DPP10: variants seen among roughly 807,000 people sequenced by gnomAD.
DPP10 encodes dipeptidyl peptidase like 10, also known as inactive dipeptidyl peptidase 10.
A neutral mutation model predicts 120.9 loss-of-function variants in DPP10; 33 were observed. That is an observed-to-expected ratio of 0.27 (90% CI 0.21 to 0.37). The LOEUF is 0.37. Ranked by LOEUF, DPP10 falls within the 10% of genes least tolerant of loss-of-function variation. The pLI, the probability that DPP10 is intolerant of heterozygous loss-of-function variation, is 1.00. For synonymous variants in DPP10, 337 were observed against 326.1 expected, an observed-to-expected ratio of 1.03 and a Z score of -0.36; for missense variants, 816 against 942.8, an observed-to-expected ratio of 0.87 and a Z score of 1.76.
chr2:115,804,686 T>C (rs1262871313), intron 19 of DPP10, among the ~76,000 whole-genome samples: 1 of 152,232 alleles, frequency 6.6e-6, no homozygotes, highest in East Asian at 1.9e-4. Context: ...CGGAGTTTAC[T>C]GGAGGTCCAC....
intron 1 of DPP10, among the ~76,000 whole-genome samples, chr2:115,013,626 G>A (rs1232575981): frequency 7.3e-6 from 1 of 137,584 alleles, no homozygotes; most frequent in Admixed American, 7.5e-5. Flanking sequence ...AAAATAAAGG[G>A]ATGGAGGAAT....
intron 7 of DPP10, among the ~76,000 whole-genome samples, chr2:115,697,275 A>G (rs1352433861): frequency 6.6e-6 from 1 of 152,018 alleles, no homozygotes; most frequent in Non-Finnish European, 1.5e-5. Context: ...TTCAATTAAA[A>G]GAAACTAAGA....
At position 115,507,251 on chromosome 2, in the gene DPP10, A is replaced by G. The variant is rs189209099; in HGVS notation, c.366+7647A>G. ...TGCATCATTGTTGAAATGACTCATT[A>G]TGCCTTATTACTTTATTAATTTATT... is the stretch of plus-strand genomic sequence containing the variant. On this transcript the variant is annotated intron_variant, in intron 4 of 25. Transcript: ENST00000410059. Among the ~76,000 whole-genome samples, 14 of 152,206 alleles carry G rather than the reference A, an allele frequency of 9.2e-5. 1 individual carries two copies. Among genetic ancestry groups the G allele is most frequent in the African/African-American group, 3.4e-4 (14 of 41,536 alleles).
chr2:114,557,397 T>C (rs919498989), intron 1 of DPP10, among the ~76,000 whole-genome samples: 1 of 152,160 alleles, frequency 6.6e-6, no homozygotes, highest in Non-Finnish European at 1.5e-5. Context: ...TAAAATGTAA[T>C]AGTTGTGACT....
intron 5 of DPP10, among the ~76,000 whole-genome samples, chr2:115,538,799 A>T (rs975902737): frequency 1.3e-5 from 2 of 152,058 alleles, no homozygotes; most frequent in Non-Finnish European, 2.9e-5. Flanking sequence ...CACCAGCCAC[A>T]TGTGTCTATT....
intron 3 of DPP10, among the ~76,000 whole-genome samples, chr2:115,363,315 C>G (rs546358952): frequency 1.3e-5 from 2 of 152,114 alleles, no homozygotes; most frequent in Non-Finnish European, 2.9e-5. Flanking sequence ...CTCCAAGATC[C>G]TATTATATTT....
At chr2:115,614,934 GC>G (rs2084379539) in intron 5 of DPP10, among the ~76,000 whole-genome samples, 1 of 152,044 alleles carries the variant, frequency 6.6e-6, no homozygotes, top group African/African-American at 2.4e-5. Flanking sequence ...TAAACAAATT[GC>G]CCTCAATTCC....
intron 13 of DPP10, among the ~76,000 whole-genome samples, chr2:115,770,503 A>G (rs1222848849): frequency 6.6e-6 from 1 of 151,932 alleles, no homozygotes; most frequent in East Asian, 1.9e-4. Context: ...AGAAATGAAC[A>G]TGACTGCATG....
At chr2:115,275,992 C>T (rs560143032) in intron 1 of DPP10, among the ~76,000 whole-genome samples, 3 of 152,116 alleles carry the variant, frequency 2.0e-5, no homozygotes, top group African/African-American at 4.8e-5. Context: ...TGAGCCACCG[C>T]GCCCGGCCTA....
Position 115,758,961 on chromosome 2 carries a change from T to TG in DPP10, c.1075-3611_1075-3610insG, listed in dbSNP as rs1679768081. Among the ~76,000 whole-genome samples, 3 of 152,168 alleles carry TG rather than the reference T, an allele frequency of 2.0e-5. 1 individual carries two copies. In the South Asian group the frequency reaches 6.2e-4, roughly 31 times the overall value. ...AAATCATAGCCCTAAATTTAAGAGC[T>TG]AATACTGTCAGTGTTCTAGGGGAAA... On this transcript the variant is annotated intron_variant, in intron 11 of 25. Coordinates refer to ENST00000410059, the MANE Select transcript of DPP10 (RefSeq NM_020868.6).
At chr2:115,614,696 T>C (rs1032324646) in intron 5 of DPP10, among the ~76,000 whole-genome samples, 1 of 152,104 alleles carries the variant, frequency 6.6e-6, no homozygotes, top group Non-Finnish European at 1.5e-5. Flanking sequence ...TAAGCAACCG[T>C]GCCAGGCTAG....
chr2:114,788,544 T>C (rs1348968697), intron 1 of DPP10, among the ~76,000 whole-genome samples: 3 of 151,614 alleles, frequency 2.0e-5, no homozygotes, highest in Admixed American at 1.3e-4. Flanking sequence ...GCCTCCCGAG[T>C]AGCTGGGACT....
chr2:115,393,084 G>A (rs1390557640), intron 3 of DPP10, among the ~76,000 whole-genome samples: 1 of 152,048 alleles, frequency 6.6e-6, no homozygotes, highest in African/African-American at 2.4e-5. Flanking sequence ...AGGCTGAGGT[G>A]GGCAGTTCGC....
At chr2:114,941,659 G>A (rs1173663245) in intron 1 of DPP10, among the ~76,000 whole-genome samples, 1 of 152,232 alleles carries the variant, frequency 6.6e-6, no homozygotes, top group Admixed American at 6.5e-5. Context: ...ATGTTAAATT[G>A]TTGAGATTAA....
chr2:115,289,503 A>AAAAAAAAAAAAAAAAAAAAAAAT (rs70941042), intron 1 of DPP10, among the ~76,000 whole-genome samples: 2 of 96,264 alleles, frequency 2.1e-5, no homozygotes, highest in African/African-American at 8.4e-5. Context: ...AAAAAAAAAA[A>AAAAAAAAAAAAAAAAAAAAAAAT]AGGAAGAAAA....
At position 115,033,725 on chromosome 2, in the gene DPP10, C is replaced by T. The variant is rs534973848; in HGVS notation, c.61-275514C>T. Among the ~76,000 whole-genome samples the T allele has an allele frequency of 3.7e-3, 498 of 135,604 alleles. 3 individuals carry two copies. The highest frequency in any genetic ancestry group is 5.9e-3 in the Non-Finnish European group (376 of 64,202). The allele number at this position is 135,604 out of a possible 152,430, so 89.0% of individuals were successfully genotyped here. A position where few individuals can be genotyped will look rare whatever the true frequency, so the allele number is the denominator to read the frequency against. On this transcript the variant is annotated intron_variant, in intron 1 of 25. Transcript: ENST00000410059. ...TTTTTTTTTTTTATTTTTAGAGATA[C>T]GGTGTTGTTCTATTGCCCAGACTGT... is the stretch of plus-strand genomic sequence containing the variant.
chr2:114,653,006 G>T (rs71418507), intron 1 of DPP10, among the ~76,000 whole-genome samples: 1 of 142,190 alleles, frequency 7.0e-6, no homozygotes, highest in Non-Finnish European at 1.5e-5. Context: ...GAGAGAGAGA[G>T]AGAAAGAGAG....
intron 21 of DPP10, among the ~76,000 whole-genome samples, chr2:115,827,689 G>A (rs113735082): frequency 0.012 from 1,856 of 150,242 alleles, 43 homozygotes; most frequent in African/African-American, 0.04. Context: ...TCCACCTCCC[G>A]AGTTCAAGCG....
intron 1 of DPP10, among the ~76,000 whole-genome samples, chr2:114,857,655 C>T (rs185731339): frequency 6.6e-6 from 1 of 152,164 alleles, no homozygotes; most frequent in East Asian, 1.9e-4. Flanking sequence ...TATTCATATG[C>T]TACTACTAGT....
Sources: gnomAD v4.1 joint callset for allele counts (sites outside exome capture counted in the v4.1 genomes callset) on GRCh38, gnomAD v4.1.1 for gene constraint, MANE v1.5 for transcripts, NCBI Gene and HGNC (gene_info 2026-07-23, HGNC 2026-07-21) for gene names.